Variants in MPDZ observed in about 807,000 individuals in gnomAD.
MPDZ encodes the protein multiple PDZ domain crumbs cell polarity complex component, also known as multiple PDZ domain protein.
MPDZ carries 234 observed loss-of-function variants against 239.1 expected under a neutral mutation model. The observed-to-expected ratio is 0.98, with a 90% CI of 0.88 to 1.09. MPDZ has a LOEUF of 1.09. MPDZ is among the 50% of genes least tolerant of loss of function. The pLI, the probability that MPDZ is intolerant of heterozygous loss-of-function variation, is 0.00. For synonymous variants in MPDZ, 1,048 were observed against 881.3 expected, an observed-to-expected ratio of 1.19 and a Z score of -3.35; for missense variants, 3,175 against 2,510.0, an observed-to-expected ratio of 1.26 and a Z score of -5.66.
chr9:13,264,052 T>C (rs914190508), intron 1 of MPDZ, among the ~76,000 whole-genome samples: 1 of 152,178 alleles, frequency 6.6e-6, no homozygotes, highest in Non-Finnish European at 1.5e-5. Context: ...CCTTTTCCTA[T>C]TAATTTTCTA....
chr9:13,219,852 G>A, intron 7 of MPDZ, 84 bp from the exon 8 acceptor site: 1 of 1,339,626 alleles, frequency 7.5e-7, no homozygotes, highest in Non-Finnish European at 1.0e-6. Context: ...ATTAATTTTA[G>A]AAAAGCAATA....
At chr9:13,240,649 T>A (rs766061268) in intron 3 of MPDZ, among the ~76,000 whole-genome samples, 40 of 144,460 alleles carry the variant, frequency 2.8e-4, no homozygotes, top group Non-Finnish European at 5.3e-4. Flanking sequence ...TTCTCTTAAG[T>A]CTATCAATGA....
intron 24 of MPDZ, among the ~76,000 whole-genome samples, chr9:13,152,516 G>C (rs1296462861): frequency 1.3e-5 from 2 of 152,068 alleles, no homozygotes; most frequent in Non-Finnish European, 2.9e-5. Context: ...CATGTGAGAT[G>C]TGTCTTTCAC....
rs1006506060 is a variant in MPDZ, at chr9:13,138,128, G to T, written c.4029C>A (p.Thr1343=). Residue 1343 remains threonine, a synonymous_variant, in exon 29 of 47, where the codon ACC becomes ACA. Coordinates refer to ENST00000319217, the MANE Select transcript of MPDZ (RefSeq NM_001378778.1). ...SWKNIRERYG[T]LTGELHMIEL... ...CAATCATATGCAGCTCGCCTGTTAGGGTTCCATAACGCTCTCTGATATTTT... is the reference window on the plus strand; with the variant it reads ...CAATCATATGCAGCTCGCCTGTTAGTGTTCCATAACGCTCTCTGATATTTT... 1 of 1,595,496 alleles carries T rather than the reference G, an allele frequency of 6.3e-7. No homozygotes were observed. Among genetic ancestry groups the T allele is most frequent in the African/African-American group, 1.3e-5 (1 of 74,400 alleles).
At chr9:13,111,600 C>T (rs993086937) in intron 43 of MPDZ, among the ~76,000 whole-genome samples, 1 of 152,110 alleles carries the variant, frequency 6.6e-6, no homozygotes, top group Non-Finnish European at 1.5e-5. Flanking sequence ...CATTGTAAGT[C>T]ATATTTATAT....
At chr9:13,226,453 C>T (rs753576011) in intron 3 of MPDZ, among the ~76,000 whole-genome samples, 1 of 151,936 alleles carries the variant, frequency 6.6e-6, no homozygotes, top group Non-Finnish European at 1.5e-5. Context: ...GCAGTCTGTC[C>T]CTCACCCACT....
intron 32 of MPDZ, among the ~76,000 whole-genome samples, chr9:13,132,463 T>C (rs945030901): frequency 6.6e-6 from 1 of 152,052 alleles, no homozygotes; most frequent in Non-Finnish European, 1.5e-5. Flanking sequence ...AGGTTCTGAG[T>C]AGGGGATTAA....
At chr9:13,182,171 C>T (rs768975997) in intron 19 of MPDZ, among the ~76,000 whole-genome samples, 1 of 152,096 alleles carries the variant, frequency 6.6e-6, no homozygotes, top group Non-Finnish European at 1.5e-5. Context: ...ATAAATACCC[C>T]TTCCCATTGA....
intron 1 of MPDZ, among the ~76,000 whole-genome samples, chr9:13,255,736 T>C (rs1394008027): frequency 6.6e-6 from 1 of 152,188 alleles, no homozygotes; most frequent in Non-Finnish European, 1.5e-5. Context: ...AACCATGCTA[T>C]AAACCGATGT....
chr9:13,227,269 T>C (rs1960916025), intron 3 of MPDZ, among the ~76,000 whole-genome samples: 1 of 152,126 alleles, frequency 6.6e-6, no homozygotes, highest in Admixed American at 6.6e-5. Flanking sequence ...GAGATCAATG[T>C]GTTGAGAAGA....
intron 46 of MPDZ, among the ~76,000 whole-genome samples, chr9:13,107,775 C>T (rs1941733549): frequency 6.6e-6 from 1 of 151,988 alleles, no homozygotes; most frequent in African/African-American, 2.4e-5. Flanking sequence ...AAAAGAACCC[C>T]ATCTTAAAGC....
intron 11 of MPDZ, 42 bp downstream of exon 11, chr9:13,205,874 A>T (rs1564026174): frequency 2.0e-6 from 3 of 1,469,014 alleles, no homozygotes; most frequent in Non-Finnish European, 2.7e-6. Flanking sequence ...AATTGGAGAC[A>T]ATATAAAGGT....
intron 30 of MPDZ, 52 bp from the exon 31 acceptor site, chr9:13,136,234 T>G (rs1396099343): frequency 1.6e-5 from 20 of 1,255,992 alleles, no homozygotes; most frequent in Non-Finnish European, 2.3e-5. Flanking sequence ...TTATTTTCAT[T>G]CTCTTACTTC....
intron 3 of MPDZ, among the ~76,000 whole-genome samples, chr9:13,243,332 T>C (rs746990154): frequency 1.3e-5 from 2 of 152,052 alleles, no homozygotes; most frequent in Non-Finnish European, 2.9e-5. Flanking sequence ...GAATCCCACA[T>C]TGAACAATAC....
intron 32 of MPDZ, among the ~76,000 whole-genome samples, chr9:13,131,000 T>A (rs1193054577): frequency 6.6e-6 from 1 of 152,150 alleles, no homozygotes; most frequent in Admixed American, 6.5e-5. Flanking sequence ...GAGAAAATAA[T>A]AGCAAGCTCA....
intron 21 of MPDZ, among the ~76,000 whole-genome samples, chr9:13,173,791 C>G (rs541706828): frequency 2.6e-5 from 4 of 152,110 alleles, no homozygotes; most frequent in African/African-American, 9.7e-5. Flanking sequence ...CAAGAGCCTC[C>G]TAACTGCTTC....
chr9:13,138,219 A>T, intron 28 of MPDZ, 66 bp from the exon 29 acceptor site: 1 of 1,407,508 alleles, frequency 7.1e-7, no homozygotes, highest in East Asian at 2.4e-5. Flanking sequence ...TTTACTGTGG[A>T]AAGCTATTTA....
chr9:13,221,362 T>G lies in MPDZ; in HGVS notation c.876+10A>C. 1 of 1,596,464 alleles carries G rather than the reference T, an allele frequency of 6.3e-7. No homozygotes were observed. The highest frequency in any genetic ancestry group is 8.5e-7 in the Non-Finnish European group (1 of 1,171,182). ...TAAAATAGCATAAAAGATCTATTGA[T>G]GTAGCCTACCTGATCAGCTACTCCT... On this transcript the variant is annotated intron_variant, in intron 7 of 46. Transcript: ENST00000319217.
chr9:13,164,823 A>G (rs1950881604), intron 22 of MPDZ, among the ~76,000 whole-genome samples: 2 of 152,190 alleles, frequency 1.3e-5, no homozygotes, highest in Admixed American at 1.3e-4. Flanking sequence ...AATGCAACAG[A>G]ACATGCAGAG....
Sources: gnomAD v4.1 joint callset for allele counts (sites outside exome capture counted in the v4.1 genomes callset) on GRCh38, gnomAD v4.1.1 for gene constraint, MANE v1.5 for transcripts, NCBI Gene and HGNC (gene_info 2026-07-23, HGNC 2026-07-21) for gene names.